TMEM245: variants seen among roughly 807,000 people sequenced by gnomAD.
TMEM245 encodes transmembrane protein 245, also known as protein CG-2.
A neutral mutation model predicts 101.2 loss-of-function variants in TMEM245; 69 were observed. The ratio of observed to expected loss-of-function variants is 0.68; its 90% CI spans 0.56 to 0.83. The LOEUF (loss-of-function observed/expected upper bound fraction) is 0.83, where lower values mean the gene tolerates loss of function less well. TMEM245 is among the 40% of genes least tolerant of loss of function. The pLI is 0.00. For missense variants in TMEM245, 1,075 were observed against 1,092.8 expected, an observed-to-expected ratio of 0.98 and a Z score of 0.23; for synonymous variants, 537 against 449.8, an observed-to-expected ratio of 1.19 and a Z score of -2.45.
intron 10 of TMEM245, among the ~76,000 whole-genome samples, chr9:109,062,808 A>G (rs758221187): frequency 6.6e-6 from 1 of 152,124 alleles, no homozygotes; most frequent in Non-Finnish European, 1.5e-5. Context: ...ACGTCTCTAT[A>G]AAAACAGAAA....
chr9:109,023,148 G>C (rs995294519), intron 17 of TMEM245, among the ~76,000 whole-genome samples: 1 of 152,216 alleles, frequency 6.6e-6, no homozygotes, highest in Non-Finnish European at 1.5e-5. Context: ...AGCAAGCTTA[G>C]AGATCAGTTA....
At chr9:109,052,976 T>C (rs749568440) in intron 12 of TMEM245, among the ~76,000 whole-genome samples, 6 of 151,924 alleles carry the variant, frequency 3.9e-5, no homozygotes, top group African/African-American at 7.3e-5. Flanking sequence ...CTGGAGAAAA[T>C]AGAGGAAGAA....
At chr9:109,113,738 C>T (rs988474066) in intron 1 of TMEM245, among the ~76,000 whole-genome samples, 2 of 152,190 alleles carry the variant, frequency 1.3e-5, no homozygotes, top group Non-Finnish European at 2.9e-5. Context: ...GGAAAAACAA[C>T]TTGGTTGCTT....
chr9:109,074,513 G>A (rs111300279), intron 8 of TMEM245, among the ~76,000 whole-genome samples: 1 of 152,114 alleles, frequency 6.6e-6, no homozygotes, highest in African/African-American at 2.4e-5. Context: ...GATGACAGAG[G>A]GAAAGAAAGT....
At chr9:109,046,310 C>T (rs1285180332) in intron 14 of TMEM245, 1 of 533,754 alleles carries the variant, frequency 1.9e-6, no homozygotes, top group Admixed American at 1.9e-5. Context: ...CCAGAGCAAG[C>T]AGAATGGGAG....
intron 1 of TMEM245, among the ~76,000 whole-genome samples, chr9:109,109,796 C>A (rs1228806068): frequency 1.3e-5 from 2 of 152,214 alleles, no homozygotes; most frequent in Admixed American, 1.3e-4. Context: ...CCATTAAAAT[C>A]ACTTCTTAAA....
intron 5 of TMEM245, among the ~76,000 whole-genome samples, chr9:109,087,922 T>C (rs1300398183): frequency 6.6e-6 from 1 of 152,188 alleles, no homozygotes; most frequent in African/African-American, 2.4e-5. Flanking sequence ...GCAAGCTGAA[T>C]ACTAGCAGGG....
At chr9:109,046,267 C>T (rs748491086) in intron 14 of TMEM245, 1 of 534,512 alleles carries the variant, frequency 1.9e-6, no homozygotes, top group Non-Finnish European at 3.8e-6. Context: ...GAGGCCGTGA[C>T]AACATGCAAC....
At chr9:109,021,487 AGTTGGTT>A (rs1285395331) in intron 17 of TMEM245, among the ~76,000 whole-genome samples, 1 of 119,344 alleles carries the variant, frequency 8.4e-6, no homozygotes, top group Non-Finnish European at 1.8e-5. Flanking sequence ...TTGACTTTAC[AGTTGGTT>A]TTTTGTTTGT....
At chr9:109,080,726 A>C in intron 8 of TMEM245, 113 bp downstream of exon 8, 1 of 681,818 alleles carries the variant, frequency 1.5e-6, no homozygotes. Context: ...GCTATTGTAC[A>C]TACTTTTAAA....
intron 8 of TMEM245, 135 bp downstream of exon 8, chr9:109,080,704 A>ATAAATCCTTTAGCTATTGTACATACTTT (rs917516988): frequency 2.7e-5 from 15 of 549,330 alleles, no homozygotes; most frequent in African/African-American, 5.9e-5. Flanking sequence ...TATACAAATC[A>ATAAATCCTTTAGCTATTGTACATACTTT]TAAATCCTTT....
At chr9:109,083,921 A>AAAAAAAAC (rs1829755253) in intron 7 of TMEM245, among the ~76,000 whole-genome samples, 1 of 137,512 alleles carries the variant, frequency 7.3e-6, no homozygotes, top group African/African-American at 2.7e-5. Flanking sequence ...AAAAAAAAAA[A>AAAAAAAAC]AAAAAAAACA....
chr9:109,052,204 T>C (rs1305979022), intron 12 of TMEM245, among the ~76,000 whole-genome samples: 1 of 152,162 alleles, frequency 6.6e-6, no homozygotes, highest in Non-Finnish European at 1.5e-5. Flanking sequence ...AAAAACAAAA[T>C]GACCAGAAAA....
At chr9:109,022,473 A>ATCTATCTG (rs1192574565) in intron 17 of TMEM245, among the ~76,000 whole-genome samples, 15 of 122,354 alleles carry the variant, frequency 1.2e-4, no homozygotes, top group African/African-American at 4.9e-4. Flanking sequence ...TGCATTATCT[A>ATCTATCTG]TCTATCTATC....
intron 16 of TMEM245, among the ~76,000 whole-genome samples, chr9:109,034,820 C>T (rs955766371): frequency 6.6e-6 from 1 of 152,016 alleles, no homozygotes; most frequent in Non-Finnish European, 1.5e-5. Context: ...AAAAATAAAA[C>T]AATTTATGCC....
intron 9 of TMEM245, among the ~76,000 whole-genome samples, chr9:109,069,629 G>T (rs1829270855): frequency 6.6e-6 from 1 of 152,026 alleles, no homozygotes; most frequent in African/African-American, 2.4e-5. Context: ...TCGTGCCATG[G>T]ATTCATCTCA....
At chr9:109,117,272 G>A (rs1005656040) in intron 1 of TMEM245, among the ~76,000 whole-genome samples, 3 of 143,362 alleles carry the variant, frequency 2.1e-5, no homozygotes, top group African/African-American at 7.9e-5. Flanking sequence ...ACCACACCCA[G>A]CTAATTTTTT....
At chr9:109,091,303 T>G (rs761993662) in intron 4 of TMEM245, 148 bp from the exon 5 acceptor site, 60 of 640,078 alleles carry the variant, frequency 9.4e-5, no homozygotes, top group Non-Finnish European at 1.5e-4. Context: ...ACAAAAATAT[T>G]TGGACCTATG....
chr9:109,043,386 T>C (rs1428081730), intron 14 of TMEM245, among the ~76,000 whole-genome samples: 1 of 152,174 alleles, frequency 6.6e-6, no homozygotes, highest in Non-Finnish European at 1.5e-5. Flanking sequence ...CTCACAACCA[T>C]GTGGTCAAGC....
Sources: allele counts gnomAD v4.1 joint callset (sites outside exome capture counted in the v4.1 genomes callset), GRCh38; gene constraint gnomAD v4.1.1; transcripts MANE v1.5; gene names NCBI Gene and HGNC (gene_info 2026-07-23, HGNC 2026-07-21).